Variants in TRMT44 observed in about 807,000 individuals in gnomAD.
TRMT44 encodes the protein probable tRNA (uracil-O(2)-)-methyltransferase.
Under a neutral mutation model 77.3 loss-of-function variants are expected in TRMT44, and 78 were observed. The observed-to-expected ratio is 1.01, with a 90% CI of 0.84 to 1.22. The LOEUF (loss-of-function observed/expected upper bound fraction) is 1.22. Among genes scored for constraint, TRMT44 ranks in the 50% most tolerant of loss-of-function variants. TRMT44 has a pLI of 0.00. For missense variants in TRMT44, 1,090 were observed against 964.4 expected (o/e 1.13, Z -1.73); for synonymous variants, 391 against 383.3 (o/e 1.02, Z -0.23).
chr4:8,449,765 G>A lies in TRMT44; in HGVS notation c.831G>A (p.Lys277=). ...GGCTTGGAGAAGAGTTGCTGGCCAA[G>A]TTGGCCAAGTGGTCTGTAGAGAACA... The part of the protein sequence containing the change: ...PTWLGEELLA[K]LAKWSVENKK... The change falls in exon 3 of 11, where the codon AAG becomes AAA. Residue 277 remains lysine (K), a synonymous_variant. Transcript: ENST00000389737. The A allele has an allele frequency of 6.5e-7, 1 of 1,535,992 alleles. No individual in the cohort carries two copies. The highest frequency in any genetic ancestry group is 1.4e-5 in the African/African-American group (1 of 73,122).
chr4:8,472,435 C>A (rs1264557806), intron 10 of TRMT44, among the ~76,000 whole-genome samples: 1 of 152,186 alleles, frequency 6.6e-6, no homozygotes, highest in Non-Finnish European at 1.5e-5. Context: ...TGGCTTACAC[C>A]CTAGCTTCTG....
chr4:8,511,290 C>A, the TRMT44 span, among the ~76,000 whole-genome samples: 5 of 152,198 alleles, frequency 3.3e-5, no homozygotes, highest in Non-Finnish European at 5.9e-5. Flanking sequence ...ATGTTAAGAG[C>A]ACTGCAATCC....
chr4:8,466,754 C>A (rs1726581596), intron 8 of TRMT44, among the ~76,000 whole-genome samples: 1 of 152,214 alleles, frequency 6.6e-6, no homozygotes, highest in African/African-American at 2.4e-5. Flanking sequence ...ACTGTCGCTT[C>A]ATCTCTCTGA....
chr4:8,499,050 T>C, the TRMT44 span, among the ~76,000 whole-genome samples: 1 of 151,914 alleles, frequency 6.6e-6, no homozygotes, highest in Non-Finnish European at 1.5e-5. Context: ...CAGATACAGC[T>C]GCAGCAGGGG....
chr4:8,441,111 T>C lies in TRMT44; in HGVS notation c.289T>C (p.Cys97Arg), dbSNP rs1724648475. The change falls in exon 1 of 11, where the codon TGT (cysteine) becomes CGT (arginine). Residue 97 changes from cysteine (C) to arginine (R), a missense_variant. Physicochemically the swap from Cys to Arg is radical, Grantham distance 180. Transcript: ENST00000389737. ...SLSGPEQGTA[C>R]CELEEAQGQC... is the part of the protein sequence containing the mutation. ...ATCAGGACCCGAGCAGGGCACGGCATGTTGCGAACTTGAGGAGGCCCAGGG... is the reference window on the plus strand; with the variant it reads ...ATCAGGACCCGAGCAGGGCACGGCACGTTGCGAACTTGAGGAGGCCCAGGG... The C allele has an allele frequency of 6.6e-7, 1 of 1,516,488 alleles. No individual in the cohort carries two copies. The highest frequency in any genetic ancestry group is 2.5e-5 in the East Asian group (1 of 40,538). 93.9% of individuals were successfully genotyped at this position (1,516,488 alleles called of 1,614,324 possible).
chr4:8,475,737 A>C (rs761593037), intron 10 of TRMT44, 35 bp from the exon 11 acceptor site: 1 of 1,602,108 alleles, frequency 6.2e-7, no homozygotes, highest in South Asian at 1.1e-5. Flanking sequence ...TTTCAGGTTT[A>C]CTTCTCAGTG....
chr4:8,502,973 C>G, the TRMT44 span, among the ~76,000 whole-genome samples: 4 of 152,340 alleles, frequency 2.6e-5, no homozygotes, highest in South Asian at 8.3e-4. Flanking sequence ...AGACTCAGCA[C>G]AGGCTTGAAT....
Position 8,451,701 on chromosome 4 carries a change from C to T in TRMT44, c.955-259C>T, listed in dbSNP as rs1430777880. ...CTAAGTGTTTCCTCTGTGTCCACTG[C>T]CTCAGCTAAATGCCTTAGGTACATT... On this transcript the variant is annotated intron_variant, in intron 3 of 10. Coordinates refer to ENST00000389737, the MANE Select transcript of TRMT44 (RefSeq NM_152544.3). The surrounding 1 kb of genome is among the most constrained non-coding windows in gnomAD (Gnocchi z 4.1). 6.6e-6 allele frequency among the ~76,000 whole-genome samples: 1 copy of T among 152,212 alleles called. No homozygotes were observed. Among genetic ancestry groups the T allele is most frequent in the African/African-American group, 2.4e-5 (1 of 41,450 alleles).
chr4:8,493,577 G>A (rs2631758), downstream of TRMT44: 39,972 of 152,080 alleles, frequency 0.26, 5,929 homozygotes, highest in Admixed American at 0.38. Context: ...CCATCAGCTC[G>A]GTGTAGGCAG....
chr4:8,480,421 C>T (rs1727577412), downstream of TRMT44, among the ~76,000 whole-genome samples: 2 of 152,098 alleles, frequency 1.3e-5, no homozygotes, highest in South Asian at 2.1e-4. Flanking sequence ...GCACGGTGCC[C>T]TCCTTGCACT....
Position 8,444,142 on chromosome 4 carries a change from T to G in TRMT44, c.620-2334T>G, listed in dbSNP as rs192959237. Among the ~76,000 whole-genome samples, 7 of 152,264 alleles carry G rather than the reference T, an allele frequency of 4.6e-5. No homozygotes were observed. Among genetic ancestry groups the G allele is most frequent in the Admixed American group, 3.9e-4 (6 of 15,296 alleles). On this transcript the variant is annotated intron_variant, in intron 1 of 10. Coordinates refer to ENST00000389737, the MANE Select transcript of TRMT44 (RefSeq NM_152544.3). This position sits in a 1 kb window ranked among gnomAD's most constrained non-coding sequence, Gnocchi z 4.0. Reference sequence around the variant, plus strand: ...GGTTTTCTCATCTAGAACAGAGGTTTCAGTCGGGGCAGTTTTGATCCTCAG... The same window carrying G: ...GGTTTTCTCATCTAGAACAGAGGTTGCAGTCGGGGCAGTTTTGATCCTCAG...
chr4:8,515,480 C>G, the TRMT44 span, among the ~76,000 whole-genome samples: 1 of 152,248 alleles, frequency 6.6e-6, no homozygotes, highest in Non-Finnish European at 1.5e-5. Context: ...CCCTTGCTCC[C>G]AAGCTGCTCC....
Position 8,458,698 on chromosome 4 carries a change from A to T in TRMT44, c.1203+3885A>T, listed in dbSNP as rs143538679. Reference sequence around the variant, plus strand: ...TCGAACTCCTGACCTCAAGTGATCCACCCACCTCGGCCTCCCAAAGTACTG... The same window carrying T: ...TCGAACTCCTGACCTCAAGTGATCCTCCCACCTCGGCCTCCCAAAGTACTG... On this transcript the variant is annotated intron_variant, in intron 6 of 10. Transcript: ENST00000389737. 8.0e-3 allele frequency among the ~76,000 whole-genome samples: 1,214 copies of T among 151,444 alleles called. 14 individuals carry two copies. The highest frequency in any genetic ancestry group is 0.028 in the African/African-American group (1,163 of 41,330).
Position 8,486,051 on chromosome 4 carries a change from A to G in TRMT44, n.3891+6518A>G, listed in dbSNP as rs564945688. Among the ~76,000 whole-genome samples, 7 of 152,318 alleles carry G rather than the reference A, an allele frequency of 4.6e-5. No homozygotes were observed. In the South Asian group the frequency reaches 1.5e-3, roughly 32 times the overall value. On this transcript the variant is annotated intron_variant and non_coding_transcript_variant, in intron 2 of 2. Transcript: ENST00000511366. Reference sequence around the variant, plus strand: ...CGGGCAGCGTCAATCTTCAGTTGCTAAGCCAAGAAGATCTGGGAAGGAGTC... The same window carrying G: ...CGGGCAGCGTCAATCTTCAGTTGCTGAGCCAAGAAGATCTGGGAAGGAGTC...
At position 8,461,448 on chromosome 4, in the gene TRMT44, G is replaced by A. The variant is rs1726152218; in HGVS notation, c.1204-2537G>A. 6.6e-6 allele frequency among the ~76,000 whole-genome samples: 1 copy of A among 152,110 alleles called. No individual in the cohort carries two copies. Among genetic ancestry groups the A allele is most frequent in the Non-Finnish European group, 1.5e-5 (1 of 68,022 alleles). ...GTCCCCAGGTGAAAAAGCACCTTTG[G>A]GTAGGAAATTCAAGCAGCAGTGAGT... On this transcript the variant is annotated intron_variant, in intron 6 of 10. Transcript: ENST00000389737. This position sits in a 1 kb window ranked among gnomAD's most constrained non-coding sequence, Gnocchi z 4.6.
chr4:8,455,309 G>T (rs955098845), intron 6 of TRMT44, among the ~76,000 whole-genome samples: 1 of 152,234 alleles, frequency 6.6e-6, no homozygotes, highest in Non-Finnish European at 1.5e-5. Flanking sequence ...CAAAGGAGGG[G>T]CTTGACCCTA....
chr4:8,450,968 T>C lies in TRMT44; in HGVS notation c.955-992T>C, dbSNP rs545122817. On this transcript the variant is annotated intron_variant, in intron 3 of 10. Transcript: ENST00000389737. ...CCTGGCTAATTTTTTGTATTTTTTG[T>C]AGAGACAAAGTTTTGCCATGTTTCC... 2.1e-4 allele frequency among the ~76,000 whole-genome samples: 32 copies of C among 151,412 alleles called. No homozygotes were observed. In the South Asian group the frequency reaches 6.1e-3, roughly 29 times the overall value.
downstream of TRMT44, among the ~76,000 whole-genome samples, chr4:8,480,320 C>T (rs1727573509): frequency 6.6e-6 from 1 of 152,160 alleles, no homozygotes; most frequent in African/African-American, 2.4e-5. Flanking sequence ...CAGCATTTGA[C>T]CTTTTGACTT....
the TRMT44 span, among the ~76,000 whole-genome samples, chr4:8,501,816 G>A: frequency 2.0e-5 from 3 of 152,142 alleles, no homozygotes; most frequent in African/African-American, 7.2e-5. The surrounding 1 kb of genome is among the most constrained non-coding windows in gnomAD (Gnocchi z 4.4). Flanking sequence ...AGCAGCCCCT[G>A]TCCTTTCTGG....
Sources: allele counts gnomAD v4.1 joint callset (sites outside exome capture counted in the v4.1 genomes callset), GRCh38; gene constraint gnomAD v4.1.1; non-coding constraint Gnocchi (gnomAD v3.1); transcripts MANE v1.5; gene names NCBI Gene and HGNC (gene_info 2026-07-23, HGNC 2026-07-21).